SDC4: variants seen among roughly 807,000 people sequenced by gnomAD.
The protein encoded by SDC4 is syndecan-4.
In SDC4, 17 loss-of-function variants were observed where a neutral mutation model predicts 20.5. The observed-to-expected ratio is 0.83, with a 90% CI of 0.57 to 1.25. SDC4 has a LOEUF of 1.25. Ranked by LOEUF, SDC4 falls within the 50% of genes most tolerant of loss-of-function variation. SDC4 has a pLI of 0.00. For synonymous variants in SDC4, 107 were observed against 105.3 expected, an observed-to-expected ratio of 1.02 and a Z score of -0.10; for missense variants, 241 against 252.3, an observed-to-expected ratio of 0.96 and a Z score of 0.30.
At chr20:45,339,027 C>T (rs1987916880) in intron 1 of SDC4, among the ~76,000 whole-genome samples, 1 of 152,196 alleles carries the variant, frequency 6.6e-6, no homozygotes, top group Admixed American at 6.5e-5. Flanking sequence ...CCCCTCTCTG[C>T]CCTGTTTTGG....
chr20:45,333,882 T>C (rs2145710429), intron 2 of SDC4, among the ~76,000 whole-genome samples: 2 of 152,140 alleles, frequency 1.3e-5, no homozygotes, highest in South Asian at 4.1e-4. Flanking sequence ...AATATTGTCA[T>C]GATCAGAAAA....
chr20:45,339,680 C>G (rs930389280), intron 1 of SDC4, among the ~76,000 whole-genome samples: 1 of 152,170 alleles, frequency 6.6e-6, no homozygotes, highest in Admixed American at 6.5e-5. Context: ...GTCGAGGTTG[C>G]AGTGAGCTAC....
chr20:45,332,916 TA>T, intron 3 of SDC4, 106 bp downstream of exon 3: 1 of 1,075,718 alleles, frequency 9.3e-7, no homozygotes, highest in Non-Finnish European at 1.4e-6. Flanking sequence ...CATAGTGGGG[TA>T]AGACCCCTCA....
chr20:45,336,025 G>A, intron 1 of SDC4, 105 bp from the exon 2 acceptor site: 1 of 1,309,324 alleles, frequency 7.6e-7, no homozygotes, highest in Non-Finnish European at 1.1e-6. Context: ...AAAGAGACCA[G>A]GCCAGGGCCT....
chr20:45,329,622 G>A (rs900979367), intron 4 of SDC4, among the ~76,000 whole-genome samples: 1 of 152,140 alleles, frequency 6.6e-6, no homozygotes, highest in Admixed American at 6.6e-5. Context: ...GGAGCTGCTG[G>A]CTCTGTTGAT....
chr20:45,327,230 C>A lies in SDC4; in HGVS notation c.*34G>T. The A allele has an allele frequency of 1.2e-6, 2 of 1,611,970 alleles. No individual in the cohort carries two copies. Among genetic ancestry groups the A allele is most frequent in the Non-Finnish European group, 1.7e-6 (2 of 1,178,476 alleles). Reference sequence around the variant, plus strand: ...TTCAAAATCCCCTGGCTTCCCTCCCCGCTAAAGTCCAAGCCAGTGCCCACA... The same window carrying A: ...TTCAAAATCCCCTGGCTTCCCTCCCAGCTAAAGTCCAAGCCAGTGCCCACA... On this transcript the variant is annotated 3_prime_UTR_variant, in exon 5 of 5. Transcript: ENST00000372733.
chr20:45,337,246 A>G (rs1180321095), intron 1 of SDC4, among the ~76,000 whole-genome samples: 1 of 152,212 alleles, frequency 6.6e-6, no homozygotes, highest in African/African-American at 2.4e-5. Context: ...CTCTGAGCAA[A>G]GTTCATTATT....
At chr20:45,338,329 C>T (rs1035688898) in intron 1 of SDC4, among the ~76,000 whole-genome samples, 3 of 152,086 alleles carry the variant, frequency 2.0e-5, no homozygotes, top group Admixed American at 6.5e-5. Flanking sequence ...ACGGGGTCAC[C>T]AGCCTGCCCC....
At chr20:45,332,640 G>A (rs555249655) in intron 3 of SDC4, among the ~76,000 whole-genome samples, 1 of 152,234 alleles carries the variant, frequency 6.6e-6, no homozygotes, top group African/African-American at 2.4e-5. Context: ...TGTCACCCAG[G>A]CTGGAGTGCA....
intron 1 of SDC4, among the ~76,000 whole-genome samples, chr20:45,345,986 C>T (rs1988026055): frequency 6.6e-6 from 1 of 152,108 alleles, no homozygotes; most frequent in Admixed American, 6.5e-5. Context: ...GTCCTGGATG[C>T]CCTCTACTAA....
Position 45,330,570 on chromosome 20 carries a change from T to TGGGC in SDC4, c.247-10_247-7dup, listed in dbSNP as rs779040304. The TGGGC allele has an allele frequency of 4.0e-4, 638 of 1,613,700 alleles. 5 individuals are homozygous for TGGGC. The highest frequency in any genetic ancestry group is 2.7e-5 in the Non-Finnish European group (32 of 1,179,742). ...ATATGGTTATCTAGAGGCACCTGGA[T>TGGGC]GGGCGGAAAGGAGAAGAGACACTCA... On this transcript the variant is annotated splice_polypyrimidine_tract_variant and splice_region_variant and intron_variant, in intron 3 of 4. Transcript: ENST00000372733.
intron 1 of SDC4, among the ~76,000 whole-genome samples, chr20:45,346,020 C>G (rs1988026457): frequency 6.6e-6 from 1 of 152,186 alleles, no homozygotes; most frequent in African/African-American, 2.4e-5. Flanking sequence ...CATTTTACCT[C>G]TCACATTTGG....
rs1164873127 is a variant in SDC4, at chr20:45,347,420, G to A, written c.60+905C>T. On this transcript the variant is annotated intron_variant, in intron 1 of 4. Coordinates refer to ENST00000372733, the MANE Select transcript of SDC4 (RefSeq NM_002999.4). Reference sequence around the variant, plus strand: ...GAGATTGCCCCCCTCCTCCTAAGCCGGCTGCGGGCATGGATAGAGCTTCTG... The same window carrying A: ...GAGATTGCCCCCCTCCTCCTAAGCCAGCTGCGGGCATGGATAGAGCTTCTG... 2.6e-5 allele frequency among the ~76,000 whole-genome samples: 4 copies of A among 152,038 alleles called. No individual in the cohort carries two copies. The East Asian group carries it at 5.8e-4, about 22-fold the overall frequency.
intron 3 of SDC4, among the ~76,000 whole-genome samples, chr20:45,332,557 T>G (rs1416573842): frequency 6.6e-6 from 1 of 152,178 alleles, no homozygotes; most frequent in Admixed American, 6.5e-5. Context: ...GAGGATGGCC[T>G]ACCAGCAACC....
chr20:45,348,324 C>A lies in SDC4; in HGVS notation c.60+1G>T. 6.3e-7 allele frequency: 1 copy of A among 1,584,634 alleles called. No individual in the cohort carries two copies. The highest frequency in any genetic ancestry group is 1.2e-5 in the South Asian group (1 of 86,856). On this transcript the variant is annotated splice_donor_variant, in intron 1 of 4. Transcript: ENST00000372733. LOFTEE classifies it high-confidence loss of function. ...CAGCCCGGGAACCTCCAAGCACCCA[C>A]CGACTCGGCGACTCCGCCTACGAAG...
intron 1 of SDC4, among the ~76,000 whole-genome samples, chr20:45,340,161 C>A (rs527514359): frequency 6.6e-6 from 1 of 152,152 alleles, no homozygotes; most frequent in African/African-American, 2.4e-5. Flanking sequence ...CATGAAGCTA[C>A]GAAAAGGTCC....
intron 1 of SDC4, among the ~76,000 whole-genome samples, chr20:45,342,854 A>C (rs1474487584): frequency 6.6e-6 from 1 of 152,198 alleles, no homozygotes; most frequent in African/African-American, 2.4e-5. Flanking sequence ...CAACATATGC[A>C]CAGACACCAC....
chr20:45,333,146 G>A (rs2145709808), intron 2 of SDC4, 77 bp from the exon 3 acceptor site: 1 of 1,337,478 alleles, frequency 7.5e-7, no homozygotes, highest in East Asian at 2.3e-5. Flanking sequence ...ACTGGTGGGA[G>A]CTCCACCTTA....
intron 1 of SDC4, among the ~76,000 whole-genome samples, chr20:45,339,225 A>T (rs1275162013): frequency 6.6e-6 from 1 of 152,176 alleles, no homozygotes; most frequent in Non-Finnish European, 1.5e-5. Context: ...GATAAAGCCC[A>T]TTGAGTCTGG....
Sources: allele counts gnomAD v4.1 joint callset (sites outside exome capture counted in the v4.1 genomes callset), GRCh38; gene constraint gnomAD v4.1.1; transcripts MANE v1.5; gene names NCBI Gene and HGNC (gene_info 2026-07-23, HGNC 2026-07-21).